Variants in ASIC2 observed in about 807,000 individuals in gnomAD.
The protein encoded by ASIC2 is acid sensing ion channel subunit 2, also known as acid-sensing ion channel 2.
A neutral mutation model predicts 57.3 loss-of-function variants in ASIC2; 25 were observed. That is an observed-to-expected ratio of 0.44 (90% confidence interval 0.32 to 0.61). ASIC2 has a LOEUF of 0.61. Ranked by LOEUF, ASIC2 falls within the 20% of genes least tolerant of loss-of-function variation. ASIC2 has a pLI of 0.06. For synonymous variants in ASIC2, 319 were observed against 307.5 expected (o/e 1.04, Z -0.39); for missense variants, 641 against 738.1 (o/e 0.87, Z 1.52).
intron 1 of ASIC2, among the ~76,000 whole-genome samples, chr17:33,727,094 G>A (rs1418416120): frequency 6.6e-6 from 1 of 152,140 alleles, no homozygotes; most frequent in East Asian, 1.9e-4. Context: ...AACTACAGAG[G>A]TGAGCCTGTA....
intron 1 of ASIC2, among the ~76,000 whole-genome samples, chr17:33,887,773 C>T (rs1914863106): frequency 6.6e-6 from 1 of 152,170 alleles, no homozygotes; most frequent in South Asian, 2.1e-4. Context: ...TAATCTGGAA[C>T]ACTGCAGGGA....
chr17:33,588,740 G>A (rs1387391372), intron 1 of ASIC2, among the ~76,000 whole-genome samples: 1 of 152,228 alleles, frequency 6.6e-6, no homozygotes, highest in East Asian at 1.9e-4. Context: ...AAGGGGTCAA[G>A]TGTGGCTCCC....
At chr17:34,127,741 A>C (rs1444816469) in intron 1 of ASIC2, among the ~76,000 whole-genome samples, 1 of 152,160 alleles carries the variant, frequency 6.6e-6, no homozygotes, top group South Asian at 2.1e-4. Flanking sequence ...AGCCCTCCAC[A>C]AGAAGGGAGG....
intron 1 of ASIC2, among the ~76,000 whole-genome samples, chr17:33,579,754 C>G (rs967899235): frequency 6.6e-6 from 1 of 152,116 alleles, no homozygotes; most frequent in African/African-American, 2.4e-5. Context: ...TAAACAGCAG[C>G]AAAACTCATT....
intron 1 of ASIC2, among the ~76,000 whole-genome samples, chr17:33,456,077 AC>A (rs1912442910): frequency 6.6e-6 from 1 of 151,018 alleles, no homozygotes; most frequent in African/African-American, 2.4e-5. Flanking sequence ...ACTCCCCCCA[AC>A]CCCCAGCTCT....
At chr17:34,102,448 T>C (rs1360681402) in intron 1 of ASIC2, among the ~76,000 whole-genome samples, 1 of 152,182 alleles carries the variant, frequency 6.6e-6, no homozygotes, top group East Asian at 1.9e-4. Flanking sequence ...GAAAATTTCC[T>C]CCTTTGCTGA....
chr17:33,034,218 C>T (rs563408107), intron 3 of ASIC2, among the ~76,000 whole-genome samples: 1 of 152,344 alleles, frequency 6.6e-6, no homozygotes, highest in South Asian at 2.1e-4. Context: ...CACTTGTCTG[C>T]ATCCTTCATT....
chr17:33,476,568 TG>T (rs1286466647), intron 1 of ASIC2, among the ~76,000 whole-genome samples: 1 of 150,602 alleles, frequency 6.6e-6, no homozygotes, highest in African/African-American at 2.4e-5. Context: ...TGTGTGTGTG[TG>T]TGTGTGTCAG....
chr17:33,752,333 TC>T (rs1910460523), intron 1 of ASIC2, among the ~76,000 whole-genome samples: 3 of 152,162 alleles, frequency 2.0e-5, no homozygotes, highest in African/African-American at 7.2e-5. Context: ...CCCCTTTCTC[TC>T]CACCTCAATC....
upstream of ASIC2, among the ~76,000 whole-genome samples, chr17:33,296,210 G>A (rs1172578307): frequency 1.3e-5 from 2 of 152,134 alleles, no homozygotes; most frequent in African/African-American, 2.4e-5. Flanking sequence ...TCCTCAAAAT[G>A]AGGCAAATAC....
chr17:33,377,059 G>A (rs76874547), intron 1 of ASIC2, among the ~76,000 whole-genome samples: 4,284 of 152,036 alleles, frequency 0.028, 112 homozygotes, highest in Non-Finnish European at 0.043. Flanking sequence ...TTTTTTGGAG[G>A]GGGGGAGCGG....
At chr17:33,535,541 G>C (rs1420761742) in intron 1 of ASIC2, among the ~76,000 whole-genome samples, 2 of 152,036 alleles carry the variant, frequency 1.3e-5, no homozygotes, top group Admixed American at 1.3e-4. Flanking sequence ...CTCCCAGAGT[G>C]CTGGGATTAC....
At chr17:33,519,384 T>C (rs1288925030) in intron 1 of ASIC2, among the ~76,000 whole-genome samples, 1 of 152,182 alleles carries the variant, frequency 6.6e-6, no homozygotes, top group Non-Finnish European at 1.5e-5. Context: ...TTAAACACAG[T>C]TGGCCTCGGG....
At chr17:33,564,075 C>T (rs956054555) in intron 1 of ASIC2, among the ~76,000 whole-genome samples, 18 of 152,134 alleles carry the variant, frequency 1.2e-4, no homozygotes, top group African/African-American at 9.7e-5. Context: ...GGAGGAGCAC[C>T]GCGGCAGCCC....
chr17:33,710,093 C>T (rs1051311806), intron 1 of ASIC2, among the ~76,000 whole-genome samples: 1 of 152,212 alleles, frequency 6.6e-6, no homozygotes, highest in Non-Finnish European at 1.5e-5. Context: ...GAGATTTCTC[C>T]TCATGGGTCT....
intron 1 of ASIC2, among the ~76,000 whole-genome samples, chr17:33,299,947 G>T (rs933942698): frequency 2.6e-5 from 4 of 152,190 alleles, no homozygotes; most frequent in Admixed American, 1.3e-4. Flanking sequence ...AATCACACCG[G>T]TTGATACTGA....
At chr17:33,677,536 C>T (rs1907864547) in intron 1 of ASIC2, among the ~76,000 whole-genome samples, 1 of 152,148 alleles carries the variant, frequency 6.6e-6, no homozygotes, top group Non-Finnish European at 1.5e-5. Flanking sequence ...TTCTAGATGC[C>T]ATTAAGAACA....
chr17:33,646,118 C>T (rs1160996976), intron 1 of ASIC2, among the ~76,000 whole-genome samples: 1 of 152,098 alleles, frequency 6.6e-6, no homozygotes, highest in South Asian at 2.1e-4. Context: ...CCCAGCTCAC[C>T]GGGGGTTTGG....
intron 3 of ASIC2, among the ~76,000 whole-genome samples, chr17:33,055,633 G>A (rs900594309): frequency 1.4e-4 from 22 of 152,264 alleles, no homozygotes; most frequent in African/African-American, 4.3e-4. Context: ...CTTTGGCAGT[G>A]TATTTCTACT....
Sources: gnomAD v4.1 joint callset for allele counts (sites outside exome capture counted in the v4.1 genomes callset) on GRCh38, gnomAD v4.1.1 for gene constraint, MANE v1.5 for transcripts, NCBI Gene and HGNC (gene_info 2026-07-23, HGNC 2026-07-21) for gene names.